DHX35: variants seen among roughly 807,000 people sequenced by gnomAD.
The protein encoded by DHX35 is probable ATP-dependent RNA helicase DHX35.
A neutral mutation model predicts 99.6 loss-of-function variants in DHX35; 84 were observed. The observed-to-expected ratio is 0.84, with a 90% confidence interval of 0.71 to 1.01. DHX35 has a LOEUF of 1.01. Among genes scored for constraint, DHX35 ranks in the 50% least tolerant of loss-of-function variants. The pLI, the probability that DHX35 is intolerant of heterozygous loss-of-function variation, is 0.00. For synonymous variants in DHX35, 331 were observed against 316.2 expected (o/e 1.05, Z -0.50); for missense variants, 852 against 888.5 (o/e 0.96, Z 0.52).
At chr20:38,996,833 AT>A (rs1372870753) in intron 8 of DHX35, among the ~76,000 whole-genome samples, 1 of 151,750 alleles carries the variant, frequency 6.6e-6, no homozygotes, top group African/African-American at 2.4e-5. Flanking sequence ...GCCCTGTTTA[AT>A]TGTCATCTCC....
intron 11 of DHX35, among the ~76,000 whole-genome samples, chr20:39,005,251 T>C (rs2086595708): frequency 6.6e-6 from 1 of 152,224 alleles, no homozygotes; most frequent in Non-Finnish European, 1.5e-5. Flanking sequence ...CAGCTCCCAA[T>C]GTACTGGGAA....
chr20:38,984,008 C>T (rs992386740), intron 4 of DHX35, among the ~76,000 whole-genome samples: 1 of 152,220 alleles, frequency 6.6e-6, no homozygotes, highest in Non-Finnish European at 1.5e-5. Context: ...CTCCTGGGTT[C>T]AAGCAATTCT....
chr20:39,032,070 T>A (rs1182339548), intron 20 of DHX35, among the ~76,000 whole-genome samples: 1 of 152,264 alleles, frequency 6.6e-6, no homozygotes, highest in Non-Finnish European at 1.5e-5. Flanking sequence ...CTTATATTTT[T>A]CTTGTTTACA....
At chr20:38,997,869 A>G (rs948748594) in intron 8 of DHX35, among the ~76,000 whole-genome samples, 21 of 152,302 alleles carry the variant, frequency 1.4e-4, no homozygotes, top group African/African-American at 4.6e-4. Context: ...ATTTTGATCT[A>G]GAGGCGTAGG....
At chr20:38,994,631 A>AACC (rs1568731897) in intron 7 of DHX35, among the ~76,000 whole-genome samples, 190 bp from the exon 8 acceptor site, 19 of 74,390 alleles carry the variant, frequency 2.6e-4, no homozygotes, top group Non-Finnish European at 4.5e-4. Flanking sequence ...TAGTGTAATG[A>AACC]CCCCCCCCCC....
chr20:38,966,370 G>A (rs2085910898), intron 1 of DHX35, among the ~76,000 whole-genome samples: 1 of 152,166 alleles, frequency 6.6e-6, no homozygotes, highest in South Asian at 2.1e-4. Flanking sequence ...TGACATAGCT[G>A]TTCTTATAAA....
chr20:39,004,056 C>G (rs907369083), intron 11 of DHX35, 149 bp downstream of exon 11: 4 of 921,312 alleles, frequency 4.3e-6, no homozygotes, highest in Non-Finnish European at 6.5e-6. Context: ...ATAAATAATA[C>G]ATTGTGAAGA....
intron 4 of DHX35, among the ~76,000 whole-genome samples, chr20:38,984,943 T>C (rs1045550258): frequency 2.6e-5 from 4 of 152,152 alleles, no homozygotes; most frequent in African/African-American, 9.7e-5. Flanking sequence ...GTGGTTTTTG[T>C]TGATATAAAA....
chr20:39,024,730 C>G (rs1568757965), intron 17 of DHX35, among the ~76,000 whole-genome samples: 3 of 152,156 alleles, frequency 2.0e-5, no homozygotes, highest in Non-Finnish European at 2.9e-5. Context: ...ATAATTTACT[C>G]TAAGACATAA....
At chr20:38,973,275 A>G (rs2145839944) in intron 3 of DHX35, among the ~76,000 whole-genome samples, 1 of 152,318 alleles carries the variant, frequency 6.6e-6, no homozygotes, top group Admixed American at 6.5e-5. Context: ...AGCTTGAGAG[A>G]CCTTGCAGGT....
At position 39,001,817 on chromosome 20, in the gene DHX35, C is replaced by T. The variant is rs1257881962; in HGVS notation, c.730C>T (p.Pro244Ser). Residue 244 changes from proline (P) to serine (S), a missense_variant, in exon 9 of 22, where the codon CCG becomes TCG. By Grantham distance (74) the Pro-to-Ser change is moderately conservative (BLOSUM62 -1). Transcript: ENST00000252011. ...CCTTACAGTGGAAGGGAGAACATTT[C>T]CGGTGGATATCTTTTATCTACAAAG... ...VILTVEGRTF[P>S]VDIFYLQSPV... 1 of 1,612,930 alleles carries T rather than the reference C, an allele frequency of 6.2e-7. No individual in the cohort carries two copies. Among genetic ancestry groups the T allele is most frequent in the South Asian group, 1.1e-5 (1 of 90,844 alleles).
chr20:39,034,345 G>A (rs527249514), intron 21 of DHX35, 28 bp downstream of exon 21: 1 of 1,563,386 alleles, frequency 6.4e-7, no homozygotes. Flanking sequence ...CTGTGCCCCA[G>A]CCACCTGTTC....
At chr20:39,007,662 A>G (rs1055646285) in intron 12 of DHX35, among the ~76,000 whole-genome samples, 4 of 152,154 alleles carry the variant, frequency 2.6e-5, no homozygotes, top group Non-Finnish European at 4.4e-5. Context: ...GGGAGATTCA[A>G]TTTCAGCGCA....
Position 38,972,612 on chromosome 20 carries a change from T to C in DHX35, c.228T>C (p.Val76=), listed in dbSNP as rs747309238. The part of the protein sequence containing the change: ...LIENYQTVVI[V]GETGCGKSTQ... Reference sequence around the variant, plus strand: ...AAAATTATCAGACAGTGGTGATTGTTGGTGAAACAGGATGTGGGAAGAGCA... The same window carrying C: ...AAAATTATCAGACAGTGGTGATTGTCGGTGAAACAGGATGTGGGAAGAGCA... Residue 76 remains valine, a synonymous_variant, in exon 3 of 22, where the codon GTT becomes GTC. Coordinates refer to ENST00000252011, the MANE Select transcript of DHX35 (RefSeq NM_021931.4). 5 of 1,612,990 alleles carry C rather than the reference T, an allele frequency of 3.1e-6. No individual in the cohort carries two copies. Among genetic ancestry groups the C allele is most frequent in the Non-Finnish European group, 4.2e-6 (5 of 1,179,166 alleles).
At chr20:39,022,762 G>A (rs977760235) in intron 16 of DHX35, among the ~76,000 whole-genome samples, 1 of 152,204 alleles carries the variant, frequency 6.6e-6, no homozygotes, top group Non-Finnish European at 1.5e-5. Flanking sequence ...CCCACCTAAG[G>A]TGCAGGCATC....
chr20:38,983,585 A>G, intron 3 of DHX35, 114 bp from the exon 4 acceptor site: 1 of 748,558 alleles, frequency 1.3e-6, no homozygotes, highest in Non-Finnish European at 2.2e-6. Context: ...TGCTGGGACA[A>G]GAACTGTACT....
chr20:39,007,466 A>G (rs968922853), intron 12 of DHX35, among the ~76,000 whole-genome samples: 1 of 152,242 alleles, frequency 6.6e-6, no homozygotes, highest in Non-Finnish European at 1.5e-5. Context: ...TTCCCTGCCC[A>G]GCAGATCTTC....
chr20:39,006,499 C>A, intron 12 of DHX35, 143 bp downstream of exon 12: 1 of 863,046 alleles, frequency 1.2e-6, no homozygotes, highest in Non-Finnish European at 1.8e-6. Flanking sequence ...CAGATCCCCA[C>A]TGCTTTCCTC....
chr20:39,001,894 G>C (rs748284727), intron 9 of DHX35, 52 bp downstream of exon 9: 1 of 1,368,344 alleles, frequency 7.3e-7, no homozygotes, highest in Non-Finnish European at 1.0e-6. Flanking sequence ...CTCAGCCTCT[G>C]ATGTAGAATG....
Sources: gnomAD v4.1 joint callset for allele counts (sites outside exome capture counted in the v4.1 genomes callset) on GRCh38, gnomAD v4.1.1 for gene constraint, MANE v1.5 for transcripts, NCBI Gene and HGNC (gene_info 2026-07-23, HGNC 2026-07-21) for gene names.